Variants in MS4A1 observed in about 807,000 individuals in gnomAD.
The protein encoded by MS4A1 is B-lymphocyte antigen CD20.
MS4A1 carries 16 observed loss-of-function variants against 26.5 expected under a neutral mutation model. The observed-to-expected ratio is 0.60, with a 90% CI of 0.41 to 0.92. The LOEUF is 0.92. Ranked by LOEUF, MS4A1 falls within the 40% of genes least tolerant of loss-of-function variation. The probability of loss-of-function intolerance (pLI) is 0.00; values close to 1 mark genes in which losing one functional copy is unlikely to be tolerated. For missense variants in MS4A1, 350 were observed against 353.0 expected, an observed-to-expected ratio of 0.99 and a Z score of 0.07; for synonymous variants, 128 against 117.6, an observed-to-expected ratio of 1.09 and a Z score of -0.57.
intron 2 of MS4A1, 65 bp downstream of exon 2, chr11:60,461,225 T>C (rs1295272648): frequency 1.3e-5 from 2 of 151,558 alleles, no homozygotes; most frequent in Non-Finnish European, 2.9e-5. Context: ...AGACAGCAAA[T>C]AGGAGTACAT....
Position 60,467,119 on chromosome 11 carries a change from T to C in MS4A1, c.675+59T>C. 3 of 1,350,238 alleles carry C rather than the reference T, an allele frequency of 2.2e-6. No individual in the cohort carries two copies. In the South Asian group the frequency reaches 3.5e-5, roughly 16 times the overall value. The allele number at this position is 1,350,238 out of a possible 1,614,324, so 83.6% of individuals were successfully genotyped here. On this transcript the variant is annotated intron_variant, in intron 7 of 7. Transcript: ENST00000345732. ...CTAGAAAATCCACATCCACAAAGGA[T>C]CATTTATGGAGAATGTAATCTGATG...
chr11:60,461,265 C>T (rs1450453194), intron 2 of MS4A1, 105 bp downstream of exon 2: 1 of 151,628 alleles, frequency 6.6e-6, no homozygotes, highest in South Asian at 2.1e-4. Flanking sequence ...AGGTAGGCTC[C>T]TCTAGGAGCT....
At chr11:60,463,244 T>C in intron 4 of MS4A1, 123 bp downstream of exon 4, 2 of 1,397,450 alleles carry the variant, frequency 1.4e-6, no homozygotes, top group Non-Finnish European at 2.0e-6. Context: ...TATTATTGGG[T>C]TAAAGTAATT....
rs372476401 is a variant in MS4A1 at position 60,464,354 on chromosome 11, C to T, written c.336+10C>T. On this transcript the variant is annotated intron_variant, in intron 5 of 7. Coordinates refer to ENST00000345732, the MANE Select transcript of MS4A1 (RefSeq NM_152866.3). The stretch of plus-strand genomic sequence containing the variant: ...CTCCAGGAAGTGTTTGGCAAGTAAC[C>T]ATATGTCCTTCTTTCCCACATGTCA... 3.7e-6 allele frequency: 6 copies of T among 1,611,902 alleles called. No individual in the cohort carries two copies. The Admixed American group carries it at 1.0e-4, about 27-fold the overall frequency.
intron 7 of MS4A1, 118 bp downstream of exon 7, chr11:60,467,178 A>T (rs1200373270): frequency 1.2e-6 from 1 of 866,858 alleles, no homozygotes; most frequent in African/African-American, 1.7e-5. Flanking sequence ...TTTAAAAAAA[A>T]AAATTGGTCT....
rs199574237 is a variant in MS4A1, at chr11:60,468,320, T to C, written c.746T>C (p.Leu249Pro). The C allele has an allele frequency of 6.2e-7, 1 of 1,614,006 alleles. No homozygotes were observed. Among genetic ancestry groups the C allele is most frequent in the Non-Finnish European group, 8.5e-7 (1 of 1,179,922 alleles). Reference protein sequence around the residue: ...TIEIKEEVVGLTETSSQPKNE... With the variant: ...TIEIKEEVVGPTETSSQPKNE... ...GAAATAAAAGAAGAAGTGGTTGGGC[T>C]AACTGAAACATCTTCCCAACCAAAG... is the stretch of plus-strand genomic sequence containing the variant. The change falls in exon 8 of 8, where the codon CTA (leucine) becomes CCA (proline). Residue 249 changes from leucine (L) to proline (P), a missense_variant. By Grantham distance (98) the Leu-to-Pro change is moderately conservative. Coordinates refer to ENST00000345732, the MANE Select transcript of MS4A1 (RefSeq NM_152866.3).
chr11:60,464,211 AAAAGT>A, intron 4 of MS4A1, 72 bp from the exon 5 acceptor site: 1 of 1,089,102 alleles, frequency 9.2e-7, no homozygotes, highest in Non-Finnish European at 1.4e-6. Flanking sequence ...ATCAATGTTA[AAAAGT>A]GATCTCCCTC....
chr11:60,462,572 T>C, intron 3 of MS4A1, 39 bp downstream of exon 3: 4 of 1,613,254 alleles, frequency 2.5e-6, no homozygotes, highest in Non-Finnish European at 3.4e-6. Flanking sequence ...GTAGGGATTC[T>C]CTGGCTGACA....
chr11:60,468,206 C>A, intron 7 of MS4A1, 44 bp from the exon 8 acceptor site: 1 of 1,395,338 alleles, frequency 7.2e-7, no homozygotes, highest in Non-Finnish European at 1.0e-6. Context: ...ACAAAGGTGT[C>A]AGTGGTAAAA....
intron 4 of MS4A1, 94 bp from the exon 5 acceptor site, chr11:60,464,194 A>G (rs532967303): frequency 2.3e-6 from 2 of 877,224 alleles, no homozygotes; most frequent in South Asian, 2.8e-5. Flanking sequence ...CTTCTTTCTG[A>G]CCAGTTATCA....
intron 2 of MS4A1, among the ~76,000 whole-genome samples, chr11:60,461,783 G>A (rs778655119): frequency 6.6e-6 from 1 of 151,690 alleles, no homozygotes; most frequent in Non-Finnish European, 1.5e-5. Flanking sequence ...GCCTCCCAAA[G>A]TGCTTGGATT....
At chr11:60,456,851 G>C (rs1374028382) in intron 1 of MS4A1, among the ~76,000 whole-genome samples, 1 of 152,054 alleles carries the variant, frequency 6.6e-6, no homozygotes, top group East Asian at 1.9e-4. Context: ...GGCTGGTCTC[G>C]AGCTCCCGAC....
Position 60,462,272 on chromosome 11 carries a change from G to C in MS4A1, c.-103G>C. 2.4e-6 allele frequency: 3 copies of C among 1,244,818 alleles called. No individual in the cohort carries two copies. Among genetic ancestry groups the C allele is most frequent in the South Asian group, 1.2e-5 (1 of 81,232 alleles). The allele number at this position is 1,244,818 out of a possible 1,614,324, so 77.1% of individuals were successfully genotyped here. On this transcript the variant is annotated 5_prime_UTR_variant, in exon 3 of 8. Transcript: ENST00000345732. The stretch of plus-strand genomic sequence containing the variant: ...ATGACACTCATGGAGGAAATGCTGA[G>C]AGAAGCATTCAGATGCATGACACAA...
Position 60,466,064 on chromosome 11 carries a change from A to T in MS4A1, c.480A>T (p.Pro160=). 6.2e-7 allele frequency: 1 copy of T among 1,613,974 alleles called. No individual in the cohort carries two copies. The highest frequency in any genetic ancestry group is 8.5e-7 in the Non-Finnish European group (1 of 1,179,864). ...TGAATTTTATTAGAGCTCACACACC[A>T]TATATTAACATATACAACTGTGAAC... The part of the protein sequence containing the change: ...ESLNFIRAHT[P]YINIYNCEPA... The change falls in exon 6 of 8, where the codon CCA becomes CCT. Residue 160 remains proline (P), a synonymous_variant. Coordinates refer to ENST00000345732, the MANE Select transcript of MS4A1 (RefSeq NM_152866.3).
rs2086329401 is a variant in MS4A1 at position 60,469,901 on chromosome 11, T to C, written c.*1433T>C. The C allele has an allele frequency of 6.6e-6, 1 of 152,066 alleles. No individual in the cohort carries two copies. The highest frequency in any genetic ancestry group is 1.5e-5 in the Non-Finnish European group (1 of 67,938). The allele number at this position is 152,066 out of a possible 1,614,324, so 9.4% of individuals were successfully genotyped here. On this transcript the variant is annotated 3_prime_UTR_variant, in exon 8 of 8. Coordinates refer to ENST00000345732, the MANE Select transcript of MS4A1 (RefSeq NM_152866.3). Reference sequence around the variant, plus strand: ...GATTGTGGCAGGTAAAGAGACAATGTAATTTGCACTCCCTATGATATTTCT... The same window carrying C: ...GATTGTGGCAGGTAAAGAGACAATGCAATTTGCACTCCCTATGATATTTCT...
intron 1 of MS4A1, among the ~76,000 whole-genome samples, chr11:60,457,423 C>T (rs2086213425): frequency 6.6e-6 from 1 of 152,034 alleles, no homozygotes; most frequent in African/African-American, 2.4e-5. Context: ...TGATCGGGAG[C>T]TTGATGTAGC....
At position 60,455,874 on chromosome 11, in the gene MS4A1, C is replaced by A. The variant is rs199819632; in HGVS notation, c.-351C>A. On this transcript the variant is annotated 5_prime_UTR_variant, in exon 1 of 8. Transcript: ENST00000345732. ...TCACCCTCCCAGTGTGCTTGAGAAA[C>A]AAACTGCACCCACTGAACTCCGCAG... is the stretch of plus-strand genomic sequence containing the variant. 1 of 152,232 alleles carries A rather than the reference C, an allele frequency of 6.6e-6. No homozygotes were observed. The highest frequency in any genetic ancestry group is 2.4e-5 in the African/African-American group (1 of 41,446). 9.4% of individuals were successfully genotyped at this position (152,232 alleles called of 1,614,324 possible).
intron 1 of MS4A1, among the ~76,000 whole-genome samples, chr11:60,456,680 T>C (rs1018079479): frequency 6.6e-6 from 1 of 152,184 alleles, no homozygotes; most frequent in African/African-American, 2.4e-5. Context: ...CTGAATCCAG[T>C]ATATAAGTGA....
chr11:60,465,721 G>A, intron 5 of MS4A1, 200 bp from the exon 6 acceptor site: 1 of 583,976 alleles, frequency 1.7e-6, no homozygotes, highest in Non-Finnish European at 3.1e-6. Flanking sequence ...GAATGAGATA[G>A]GGAAGACTGA....
Sources: gnomAD v4.1 joint callset for allele counts (sites outside exome capture counted in the v4.1 genomes callset) on GRCh38, gnomAD v4.1.1 for gene constraint, MANE v1.5 for transcripts, NCBI Gene and HGNC (gene_info 2026-07-23, HGNC 2026-07-21) for gene names.